ZNF713: variants seen among roughly 807,000 people sequenced by gnomAD.
ZNF713 encodes zinc finger protein 713.
A neutral mutation model predicts 28.7 loss-of-function variants in ZNF713; 21 were observed. The observed-to-expected ratio is 0.73, with a 90% CI of 0.52 to 1.05. ZNF713 has a LOEUF of 1.05. ZNF713 is among the 50% of genes least tolerant of loss of function. The pLI, the probability that ZNF713 is intolerant of heterozygous loss-of-function variation, is 0.00. For synonymous variants in ZNF713, 167 were observed against 178.0 expected, an observed-to-expected ratio of 0.94 and a Z score of 0.49; for missense variants, 458 against 532.4, an observed-to-expected ratio of 0.86 and a Z score of 1.37.
intron 1 of ZNF713, among the ~76,000 whole-genome samples, chr7:55,892,874 A>G (rs1456705537): frequency 1.3e-5 from 2 of 150,332 alleles, no homozygotes; most frequent in South Asian, 4.2e-4. Context: ...TGTTTGGGAA[A>G]AAAAAAAAAA....
rs1234910977 is a variant in ZNF713, at chr7:55,887,887, GGGCGGCGGC to G, written c.-583+216_-583+224del. Among the ~76,000 whole-genome samples the G allele has an allele frequency of 6.4e-5, 7 of 108,616 alleles. 1 individual carries two copies. Among genetic ancestry groups the G allele is most frequent in the African/African-American group, 2.9e-4 (7 of 24,170 alleles). The allele number at this position is 108,616 out of a possible 152,430, so 71.3% of individuals were successfully genotyped here. Reference sequence around the variant, plus strand: ...GGGCGGCGGCGGCGGCGGCGGCGGCGGGCGGCGGCGGCGGCGGGAGGCGGCAGGTGGCGG... The same window carrying G: ...GGGCGGCGGCGGCGGCGGCGGCGGCGGGCGGCGGGAGGCGGCAGGTGGCGG... On this transcript the variant is annotated intron_variant, in intron 1 of 6. Transcript: ENST00000429591.
At chr7:55,888,776 C>T (rs1266394377) in intron 1 of ZNF713, among the ~76,000 whole-genome samples, 1 of 147,960 alleles carries the variant, frequency 6.8e-6, no homozygotes, top group Admixed American at 6.7e-5. Context: ...AATGTTTAGG[C>T]CGGTTGCGGT....
intron 6 of ZNF713, among the ~76,000 whole-genome samples, chr7:55,927,284 T>C (rs1786114746): frequency 6.6e-6 from 1 of 152,154 alleles, no homozygotes; most frequent in Admixed American, 6.5e-5. Flanking sequence ...CGCCTAGCAC[T>C]TTCGGAGACC....
chr7:55,932,661 G>A (rs1314200889), intron 6 of ZNF713, among the ~76,000 whole-genome samples: 1 of 148,572 alleles, frequency 6.7e-6, no homozygotes, highest in Non-Finnish European at 1.5e-5. Flanking sequence ...GAGGCGGGTG[G>A]ATCATGAGGT....
In ZNF713 at chr7:55,908,135, GTTTTTT is replaced by G. The variant is rs71015120; in HGVS notation, c.-456+1776_-456+1781del. On this transcript the variant is annotated intron_variant, in intron 2 of 6. Transcript: ENST00000429591. ...TCCATCCTCACCAACATCCGTTGTTGTTTTTTTTTTTTTTTTTTTTTTTTTGAGATG... is the reference window on the plus strand; with the variant it reads ...TCCATCCTCACCAACATCCGTTGTTGTTTTTTTTTTTTTTTTTTTGAGATG... Among the ~76,000 whole-genome samples, 39 of 54,660 alleles carry G rather than the reference GTTTTTT, an allele frequency of 7.1e-4. No homozygotes were observed. In the Admixed American group the frequency reaches 7.2e-3, roughly 10 times the overall value. The allele number at this position is 54,660 out of a possible 152,430, so 35.9% of individuals were successfully genotyped here.
chr7:55,912,797 A>G, intron 4 of ZNF713, 74 bp downstream of exon 4: 3 of 1,218,832 alleles, frequency 2.5e-6, no homozygotes, highest in East Asian at 2.4e-5. Flanking sequence ...TTCATTTCTC[A>G]GAAGTGCTGA....
At chr7:55,901,062 T>C (rs1028032175) in intron 1 of ZNF713, among the ~76,000 whole-genome samples, 3 of 152,250 alleles carry the variant, frequency 2.0e-5, no homozygotes, top group African/African-American at 7.2e-5. Context: ...GTGACAGATA[T>C]GATAATTGGC....
At chr7:55,906,874 A>AG (rs1291631048) in intron 2 of ZNF713, among the ~76,000 whole-genome samples, 1 of 152,172 alleles carries the variant, frequency 6.6e-6, no homozygotes, top group Non-Finnish European at 1.5e-5. Flanking sequence ...TACACAATTA[A>AG]GGGGGAAAAG....
In ZNF713 at chr7:55,919,490, G is replaced by GTTTTTTTTTTTTTTTTTTTTTT. The variant is rs55656709; in HGVS notation, c.88-3660_88-3639dup. Among the ~76,000 whole-genome samples, 49 of 66,740 alleles carry GTTTTTTTTTTTTTTTTTTTTTT rather than the reference G, an allele frequency of 7.3e-4. 6 individuals carry two copies. The highest frequency in any genetic ancestry group is 1.0e-3 in the Non-Finnish European group (33 of 32,208). The allele number at this position is 66,740 out of a possible 152,430, so 43.8% of individuals were successfully genotyped here. A position where few individuals can be genotyped will look rare whatever the true frequency, so the allele number is the denominator to read the frequency against. ...GCTGGATAAATTGGTAAACACTCCA[G>GTTTTTTTTTTTTTTTTTTTTTT]TTTTTTTTTTTTTTTTTTTTTTTTT... is the stretch of plus-strand genomic sequence containing the variant. On this transcript the variant is annotated intron_variant, in intron 4 of 6. Transcript: ENST00000429591.
At chr7:55,911,125 A>G (rs960080133) in intron 2 of ZNF713, among the ~76,000 whole-genome samples, 1 of 152,174 alleles carries the variant, frequency 6.6e-6, no homozygotes, top group African/African-American at 2.4e-5. Flanking sequence ...TCACAGGACC[A>G]TTTCACTGGA....
chr7:55,929,511 A>G (rs1379666712), intron 6 of ZNF713, among the ~76,000 whole-genome samples: 1 of 152,188 alleles, frequency 6.6e-6, no homozygotes, highest in African/African-American at 2.4e-5. Flanking sequence ...CTGGAGAGAG[A>G]CAGAATTGGA....
chr7:55,891,762 C>T (rs1347033650), intron 1 of ZNF713, among the ~76,000 whole-genome samples: 2 of 151,800 alleles, frequency 1.3e-5, no homozygotes, highest in African/African-American at 4.8e-5. Context: ...ATTTTTATTT[C>T]ACCCACACTA....
In ZNF713 at chr7:55,939,433, T is replaced by C. The variant is rs1562751171; in HGVS notation, c.759T>C (p.His253=). ...ATCAACATATTCTTCTTACTGATCA[T>C]ATTCATACTGCAGAGAAACCCAGTG... ...IFNQHILLTD[H]IHTAEKPSEC... is the part of the protein sequence containing the mutation. The change falls in exon 7 of 7, where the codon CAT becomes CAC. Residue 253 remains histidine, a synonymous_variant. Coordinates refer to ENST00000429591, the MANE Select transcript of ZNF713 (RefSeq NM_182633.3). 6.2e-7 allele frequency: 1 copy of C among 1,614,030 alleles called. No homozygotes were observed. Among genetic ancestry groups the C allele is most frequent in the Non-Finnish European group, 8.5e-7 (1 of 1,180,034 alleles).
chr7:55,938,236 C>T (rs1479790446), intron 6 of ZNF713, among the ~76,000 whole-genome samples: 2 of 151,958 alleles, frequency 1.3e-5, no homozygotes, highest in Non-Finnish European at 2.9e-5. Flanking sequence ...AAGAGGAAAG[C>T]CATGGGACCT....
intron 6 of ZNF713, chr7:55,924,545 C>G (rs1786057917): frequency 6.6e-6 from 1 of 152,266 alleles, no homozygotes; most frequent in African/African-American, 2.4e-5. Flanking sequence ...TTCTCCATTT[C>G]TAGTCCCAGT....
At chr7:55,929,760 A>AG (rs1476065423) in intron 6 of ZNF713, among the ~76,000 whole-genome samples, 3 of 151,914 alleles carry the variant, frequency 2.0e-5, no homozygotes, top group African/African-American at 7.2e-5. Flanking sequence ...AAAAAAAAAA[A>AG]CTGGAGAGAG....
At chr7:55,936,734 G>A (rs956726312) in intron 6 of ZNF713, among the ~76,000 whole-genome samples, 2 of 151,996 alleles carry the variant, frequency 1.3e-5, no homozygotes, top group Admixed American at 6.6e-5. Context: ...AGGTATCATC[G>A]GTGTTTCCTG....
chr7:55,891,337 G>A (rs1785376621), intron 1 of ZNF713, among the ~76,000 whole-genome samples: 1 of 152,040 alleles, frequency 6.6e-6, no homozygotes, highest in Admixed American at 6.6e-5. Flanking sequence ...ACTAGTTCAT[G>A]ATATATAATG....
chr7:55,902,211 A>T (rs1298183476), intron 1 of ZNF713, among the ~76,000 whole-genome samples: 3 of 152,136 alleles, frequency 2.0e-5, no homozygotes. Context: ...AAATAAAATA[A>T]GAATGTCAAT....
Sources: allele counts gnomAD v4.1 joint callset (sites outside exome capture counted in the v4.1 genomes callset), GRCh38; gene constraint gnomAD v4.1.1; transcripts MANE v1.5; gene names NCBI Gene and HGNC (gene_info 2026-07-23, HGNC 2026-07-21).